The following CCSER1 variants were observed in gnomAD, a reference collection of about 807,000 sequenced individuals.
CCSER1 encodes serine-rich coiled-coil domain-containing protein 1.
CCSER1 carries 41 observed loss-of-function variants against 82.0 expected under a neutral mutation model. The observed-to-expected ratio is 0.50, with a 90% confidence interval of 0.39 to 0.65. CCSER1 has a LOEUF of 0.65. CCSER1 is among the 30% of genes least tolerant of loss of function. The pLI is 0.00. For missense variants in CCSER1, 1,119 were observed against 1,064.2 expected (o/e 1.05, Z -0.72); for synonymous variants, 414 against 383.9 (o/e 1.08, Z -0.92).
chr4:91,363,357 TTGTGTG>T (rs201687094), intron 10 of CCSER1, among the ~76,000 whole-genome samples: 2,546 of 139,582 alleles, frequency 0.018, 74 homozygotes, highest in African/African-American at 0.071. Context: ...TGGAGATATT[TTGTGTG>T]TGTGTGTGTG....
At chr4:91,094,332 G>A (rs549215359) in intron 10 of CCSER1, among the ~76,000 whole-genome samples, 4 of 152,168 alleles carry the variant, frequency 2.6e-5, no homozygotes, top group Non-Finnish European at 5.9e-5. Context: ...AACAGCTTTT[G>A]GCTCTCAGGA....
At chr4:90,484,227 T>C (rs1766597333) in intron 5 of CCSER1, among the ~76,000 whole-genome samples, 1 of 152,142 alleles carries the variant, frequency 6.6e-6, no homozygotes, top group South Asian at 2.1e-4. Context: ...CTCCATGAGG[T>C]CCTTTAAGGA....
chr4:90,610,192 G>C (rs1287613680), intron 5 of CCSER1, among the ~76,000 whole-genome samples: 4 of 151,892 alleles, frequency 2.6e-5, no homozygotes, highest in African/African-American at 9.7e-5. Context: ...GGCGGAGCTT[G>C]CAGTGAGCCA....
chr4:90,511,113 T>C lies in CCSER1; in HGVS notation c.1724+42759T>C, dbSNP rs1260657288. Among the ~76,000 whole-genome samples the C allele has an allele frequency of 2.6e-5, 4 of 152,160 alleles. No individual in the cohort carries two copies. The East Asian group carries it at 7.8e-4, about 30-fold the overall frequency. Reference sequence around the variant, plus strand: ...AACCAACTCAAATGTTACTGAGAGATAGAGTAAGATGAAGCTAGAAATCAG... The same window carrying C: ...AACCAACTCAAATGTTACTGAGAGACAGAGTAAGATGAAGCTAGAAATCAG... On this transcript the variant is annotated intron_variant, in intron 5 of 10. Coordinates refer to ENST00000509176, the MANE Select transcript of CCSER1 (RefSeq NM_001145065.2).
chr4:91,246,847 C>A (rs919513511), intron 10 of CCSER1, among the ~76,000 whole-genome samples: 7 of 151,824 alleles, frequency 4.6e-5, no homozygotes, highest in Non-Finnish European at 1.0e-4. Flanking sequence ...CACACACACA[C>A]ACACACACAC....
chr4:90,796,300 A>AT (rs144807211), intron 7 of CCSER1, among the ~76,000 whole-genome samples: 11,110 of 144,740 alleles, frequency 0.077, 522 homozygotes, highest in Admixed American at 0.12. Context: ...TAATATTTTG[A>AT]TTTTTTTTTG....
chr4:90,372,286 TC>T (rs1302409022), intron 3 of CCSER1, among the ~76,000 whole-genome samples: 1 of 152,154 alleles, frequency 6.6e-6, no homozygotes, highest in Non-Finnish European at 1.5e-5. Context: ...AAATGGTAAC[TC>T]ACTTTGAATG....
chr4:91,060,385 C>A (rs10446679), intron 9 of CCSER1, among the ~76,000 whole-genome samples: 25,411 of 151,920 alleles, frequency 0.17, 2,207 homozygotes, highest in Admixed American at 0.22. Flanking sequence ...TAATTATATT[C>A]TTTACCCAGA....
At chr4:90,790,230 G>A (rs1347579623) in intron 7 of CCSER1, among the ~76,000 whole-genome samples, 1 of 152,102 alleles carries the variant, frequency 6.6e-6, no homozygotes, top group Non-Finnish European at 1.5e-5. Context: ...GCAAACTACT[G>A]CAGGAGTAAT....
chr4:90,810,721 A>G (rs1758151663), intron 7 of CCSER1, among the ~76,000 whole-genome samples: 1 of 151,762 alleles, frequency 6.6e-6, no homozygotes, highest in Non-Finnish European at 1.5e-5. Flanking sequence ...AGCAAACAAC[A>G]CTTTAAGTAT....
intron 8 of CCSER1, chr4:90,838,970 GTC>G (rs765655405): frequency 1.2e-6 from 2 of 1,613,102 alleles, no homozygotes; most frequent in Non-Finnish European, 1.7e-6. Flanking sequence ...TTTCTCTTGC[GTC>G]TCTGTCTTCT....
chr4:90,940,954 G>T (rs1294698584), intron 9 of CCSER1, among the ~76,000 whole-genome samples: 1 of 152,062 alleles, frequency 6.6e-6, no homozygotes, highest in Non-Finnish European at 1.5e-5. Context: ...AATTAAATGT[G>T]ATGTATGCAT....
chr4:91,089,916 C>T (rs1456862143), intron 10 of CCSER1, among the ~76,000 whole-genome samples: 4 of 152,192 alleles, frequency 2.6e-5, no homozygotes, highest in East Asian at 3.9e-4. Flanking sequence ...CCTTCAGCTG[C>T]TAGCAAGTAG....
chr4:91,388,968 A>C (rs1338848055), intron 10 of CCSER1, among the ~76,000 whole-genome samples: 1 of 152,028 alleles, frequency 6.6e-6, no homozygotes, highest in Non-Finnish European at 1.5e-5. Flanking sequence ...AGTATTATTT[A>C]TATATTTTGA....
chr4:91,448,591 A>G (rs910323513), intron 10 of CCSER1, among the ~76,000 whole-genome samples: 5 of 152,044 alleles, frequency 3.3e-5, no homozygotes, highest in African/African-American at 4.8e-5. Context: ...CCATGTATCC[A>G]TGCAAAAATT....
At chr4:91,271,491 C>T (rs1560557265) in intron 10 of CCSER1, among the ~76,000 whole-genome samples, 1 of 152,100 alleles carries the variant, frequency 6.6e-6, no homozygotes, top group Admixed American at 6.6e-5. Context: ...TAGCTTAGCT[C>T]CCACTTATGA....
chr4:90,128,844 T>C (rs192999702), intron 1 of CCSER1, among the ~76,000 whole-genome samples: 3 of 152,080 alleles, frequency 2.0e-5, no homozygotes, highest in Non-Finnish European at 4.4e-5. Flanking sequence ...TCTCTCTCTC[T>C]CCTCTCCCTG....
intron 6 of CCSER1, among the ~76,000 whole-genome samples, chr4:90,660,527 T>A (rs1730578898): frequency 6.6e-6 from 1 of 152,154 alleles, no homozygotes; most frequent in Non-Finnish European, 1.5e-5. Flanking sequence ...AAGTTATGTC[T>A]TATCTAATAT....
intron 10 of CCSER1, among the ~76,000 whole-genome samples, chr4:91,454,752 A>G (rs1456050103): frequency 6.6e-6 from 1 of 151,968 alleles, no homozygotes; most frequent in African/African-American, 2.4e-5. Flanking sequence ...ATATTTATAT[A>G]TGTGTCAACT....
Sources: gnomAD v4.1 joint callset for allele counts (sites outside exome capture counted in the v4.1 genomes callset) on GRCh38, gnomAD v4.1.1 for gene constraint, MANE v1.5 for transcripts, NCBI Gene and HGNC (gene_info 2026-07-23, HGNC 2026-07-21) for gene names.